Variants in NAA60 observed in about 807,000 individuals in gnomAD.
NAA60 encodes the protein N-alpha-acetyltransferase 60.
NAA60 carries 8 observed loss-of-function variants against 26.1 expected under a neutral mutation model. That is an observed-to-expected ratio of 0.31 (90% CI 0.18 to 0.55). The LOEUF is 0.55. NAA60 is among the 20% of genes least tolerant of loss of function. NAA60 has a pLI of 0.93. For synonymous variants in NAA60, 131 were observed against 122.5 expected, an observed-to-expected ratio of 1.07 and a Z score of -0.46; for missense variants, 290 against 311.3, an observed-to-expected ratio of 0.93 and a Z score of 0.51.
rs539608336 is a variant in NAA60 at position 3,449,146 on chromosome 16, G to A, written c.-7+606G>A. On this transcript the variant is annotated intron_variant, in intron 2 of 7. Coordinates refer to ENST00000407558, the MANE Select transcript of NAA60 (RefSeq NM_001083601.3). ...CCCAGCACTTTAGGAGGTGAGGCGG[G>A]TAGATCTCTGGAGGTCAGGAGTTCG... is the stretch of plus-strand genomic sequence containing the variant. Among the ~76,000 whole-genome samples, 11 of 152,316 alleles carry A rather than the reference G, an allele frequency of 7.2e-5. No individual in the cohort carries two copies. The South Asian group carries it at 2.3e-3, about 32-fold the overall frequency.
chr16:3,463,703 TAA>T (rs200567821), intron 2 of NAA60, among the ~76,000 whole-genome samples: 39 of 144,320 alleles, frequency 2.7e-4, no homozygotes, highest in Non-Finnish European at 3.0e-4. Flanking sequence ...AGTCTCTACT[TAA>T]AAAAAAAAAA....
intron 1 of NAA60, among the ~76,000 whole-genome samples, chr16:3,444,229 G>A (rs1325224503): frequency 6.6e-6 from 1 of 152,068 alleles, no homozygotes; most frequent in Non-Finnish European, 1.5e-5. Context: ...TTGTGTGCTG[G>A]GGGAGGAGGG....
chr16:3,458,155 C>G (rs565717589), intron 2 of NAA60: 3 of 984,992 alleles, frequency 3.0e-6, no homozygotes, highest in Non-Finnish European at 3.6e-6. Flanking sequence ...CTACAACACC[C>G]CCAGCGGCCG....
In NAA60 at chr16:3,485,714, G is replaced by A; in HGVS notation, c.*454G>A. ...CACACTTGACCGTAAAGGCACAGGA[G>A]CCTCGGAACAAGGGGGCGCAATAAA... On this transcript the variant is annotated 3_prime_UTR_variant, in exon 8 of 8. Transcript: ENST00000407558. 1 of 456,480 alleles carries A rather than the reference G, an allele frequency of 2.2e-6. No homozygotes were observed. The highest frequency in any genetic ancestry group is 4.4e-6 in the Non-Finnish European group (1 of 226,858). The allele number at this position is 456,480 out of a possible 1,614,324, so 28.3% of individuals were successfully genotyped here.
At chr16:3,445,612 T>C (rs1489556461) in intron 1 of NAA60, among the ~76,000 whole-genome samples, 1 of 152,114 alleles carries the variant, frequency 6.6e-6, no homozygotes, top group Non-Finnish European at 1.5e-5. Flanking sequence ...TGTCTCATTG[T>C]GGTCTGAGAT....
chr16:3,477,574 GTGGAT>G (rs1596346939), intron 3 of NAA60, among the ~76,000 whole-genome samples: 7 of 145,332 alleles, frequency 4.8e-5, no homozygotes, highest in Non-Finnish European at 7.4e-5. Context: ...GCCAAGGTGG[GTGGAT>G]CACCTGAGGT....
chr16:3,479,957 G>C (rs1201008153), intron 4 of NAA60, among the ~76,000 whole-genome samples: 1 of 152,208 alleles, frequency 6.6e-6, no homozygotes, highest in East Asian at 1.9e-4. Context: ...GACTGCTTCA[G>C]CTTGTTGAAG....
Position 3,485,038 on chromosome 16 carries a change from G to C in NAA60, c.*183G>C, listed in dbSNP as rs534995610. ...CGGGAACAGAACATCGTGGGCATGC[G>C]CAGAGCATGCCCATCCGTGGCAGGT... On this transcript the variant is annotated 3_prime_UTR_variant, in exon 7 of 8. Coordinates refer to ENST00000407558, the MANE Select transcript of NAA60 (RefSeq NM_001083601.3). 1 of 1,486,178 alleles carries C rather than the reference G, an allele frequency of 6.7e-7. No individual in the cohort carries two copies. The highest frequency in any genetic ancestry group is 9.1e-7 in the Non-Finnish European group (1 of 1,104,682). The allele number at this position is 1,486,178 out of a possible 1,614,324, so 92.1% of individuals were successfully genotyped here.
At chr16:3,481,380 C>T (rs1009075928) in intron 4 of NAA60, among the ~76,000 whole-genome samples, 15 of 152,190 alleles carry the variant, frequency 9.9e-5, no homozygotes, top group Non-Finnish European at 1.5e-4. Context: ...CCACCGTGCC[C>T]AGCCTGATCT....
At chr16:3,475,168 C>T (rs1476687284) in intron 2 of NAA60, among the ~76,000 whole-genome samples, 2 of 150,762 alleles carry the variant, frequency 1.3e-5, no homozygotes, top group Non-Finnish European at 2.9e-5. Flanking sequence ...TGGCTCACTG[C>T]AGCCTCCACC....
At chr16:3,478,221 G>C (rs2036606229) in intron 3 of NAA60, among the ~76,000 whole-genome samples, 1 of 152,196 alleles carries the variant, frequency 6.6e-6, no homozygotes, top group African/African-American at 2.4e-5. Context: ...GGGTGACAGA[G>C]TGAGACTCCA....
At chr16:3,483,715 G>C (rs1170357984) in intron 6 of NAA60, 118 bp downstream of exon 6, 1 of 759,970 alleles carries the variant, frequency 1.3e-6, no homozygotes, top group Non-Finnish European at 2.2e-6. Flanking sequence ...CAAGCTTATG[G>C]ATGCTTCTCT....
At chr16:3,450,187 T>TTG in intron 2 of NAA60, 1 of 362,092 alleles carries the variant, frequency 2.8e-6, no homozygotes, top group Non-Finnish European at 4.9e-6. Flanking sequence ...TCACTGTCCC[T>TTG]TGTGCTAGTC....
intron 2 of NAA60, among the ~76,000 whole-genome samples, chr16:3,467,501 A>C (rs2035843398): frequency 6.6e-6 from 1 of 152,128 alleles, no homozygotes; most frequent in Non-Finnish European, 1.5e-5. Flanking sequence ...AAGGAGGAGG[A>C]GTCCCCCGTG....
At chr16:3,445,072 C>T (rs547079927) in intron 1 of NAA60, among the ~76,000 whole-genome samples, 104 of 152,314 alleles carry the variant, frequency 6.8e-4, no homozygotes, top group South Asian at 1.4e-3. Context: ...AAAGAGGTAG[C>T]TGTGAAGTCC....
chr16:3,460,685 C>G (rs773420396), intron 2 of NAA60, among the ~76,000 whole-genome samples: 1 of 152,194 alleles, frequency 6.6e-6, no homozygotes, highest in Non-Finnish European at 1.5e-5. Flanking sequence ...GCTTTTACAC[C>G]TCTTTTCCTG....
Position 3,455,386 on chromosome 16 carries a change from G to GTTTTT in NAA60, c.-7+6864_-7+6868dup, listed in dbSNP as rs35501650. 4.2e-4 allele frequency among the ~76,000 whole-genome samples: 43 copies of GTTTTT among 101,966 alleles called. 1 individual carries two copies. The highest frequency in any genetic ancestry group is 1.5e-3 in the East Asian group (5 of 3,416). 66.9% of individuals were successfully genotyped at this position (101,966 alleles called of 152,430 possible). A position where few individuals can be genotyped will look rare whatever the true frequency, so the allele number is the denominator to read the frequency against. ...GGGCATAGCCAAAAAAGAGTTTTTAGTTTTTTTTTTTTTTTTTTTTTTGAG... is the reference window on the plus strand; with the variant it reads ...GGGCATAGCCAAAAAAGAGTTTTTAGTTTTTTTTTTTTTTTTTTTTTTTTTTTGAG... On this transcript the variant is annotated intron_variant, in intron 2 of 7. Coordinates refer to ENST00000407558, the MANE Select transcript of NAA60 (RefSeq NM_001083601.3).
intron 3 of NAA60, among the ~76,000 whole-genome samples, chr16:3,477,660 G>A (rs1468018558): frequency 6.6e-6 from 1 of 150,696 alleles, no homozygotes; most frequent in Non-Finnish European, 1.5e-5. Flanking sequence ...AATTGGGCCG[G>A]GCGCAGTGGC....
chr16:3,451,289 A>G (rs2034773089), intron 2 of NAA60, among the ~76,000 whole-genome samples: 1 of 152,220 alleles, frequency 6.6e-6, no homozygotes, highest in African/African-American at 2.4e-5. Context: ...TGTAAATAAT[A>G]TCTCTGAATG....
Sources: gnomAD v4.1 joint callset for allele counts (sites outside exome capture counted in the v4.1 genomes callset) on GRCh38, gnomAD v4.1.1 for gene constraint, MANE v1.5 for transcripts, NCBI Gene and HGNC (gene_info 2026-07-23, HGNC 2026-07-21) for gene names.